The following MAPKAP1 variants were observed in gnomAD, a reference collection of about 807,000 sequenced individuals.
The protein encoded by MAPKAP1 is MAPK associated protein 1.
Under a neutral mutation model 65.7 loss-of-function variants are expected in MAPKAP1, and 20 were observed. The ratio of observed to expected loss-of-function variants is 0.30; its 90% CI spans 0.21 to 0.44. The LOEUF (loss-of-function observed/expected upper bound fraction) is 0.44, where lower values mean the gene tolerates loss of function less well. Ranked by LOEUF, MAPKAP1 falls within the 20% of genes least tolerant of loss-of-function variation. MAPKAP1 has a pLI of 1.00. For synonymous variants in MAPKAP1, 222 were observed against 244.3 expected, an observed-to-expected ratio of 0.91 and a Z score of 0.85; for missense variants, 423 against 648.0, an observed-to-expected ratio of 0.65 and a Z score of 3.77.
At chr9:125,559,573 A>G in intron 6 of MAPKAP1, 60 bp downstream of exon 6, 1 of 1,510,748 alleles carries the variant, frequency 6.6e-7, no homozygotes, top group Non-Finnish European at 9.0e-7. Flanking sequence ...CCAAAATCAG[A>G]TCCAAAATGC....
chr9:125,506,386 C>T lies in MAPKAP1; in HGVS notation c.990G>A (p.Glu330=). 5.0e-6 allele frequency: 8 copies of T among 1,614,120 alleles called. No homozygotes were observed. Among genetic ancestry groups the T allele is most frequent in the Non-Finnish European group, 6.8e-6 (8 of 1,180,036 alleles). The change falls in exon 8 of 12, where the codon GAG becomes GAA. Residue 330 remains glutamate (E), a synonymous_variant. Transcript: ENST00000265960. ...TGTCCAGGTCAACGGCGACATTGGG[C>T]TCGCTCTGCTTCTCCAGGCGGTACT... ...GPQYRLEKQS[E]PNVAVDLDST... is the part of the protein sequence containing the mutation.
intron 3 of MAPKAP1, among the ~76,000 whole-genome samples, chr9:125,665,129 C>T (rs888623207): frequency 2.6e-5 from 4 of 152,064 alleles, no homozygotes; most frequent in African/African-American, 9.7e-5. Flanking sequence ...TGACAAAACC[C>T]TGCCTCTACT....
chr9:125,657,908 T>C (rs1834076865), intron 3 of MAPKAP1, 109 bp from the exon 4 acceptor site: 4 of 1,063,872 alleles, frequency 3.8e-6, no homozygotes, highest in African/African-American at 1.6e-5. Context: ...TCCAGAGACA[T>C]GTTCAGGTCG....
chr9:125,477,354 C>T (rs1854147539), intron 9 of MAPKAP1, among the ~76,000 whole-genome samples: 1 of 152,162 alleles, frequency 6.6e-6, no homozygotes, highest in African/African-American at 2.4e-5. Context: ...CGTGAGACTG[C>T]ATCAGAAAAA....
At chr9:125,460,662 T>C (rs1473193657) in intron 10 of MAPKAP1, among the ~76,000 whole-genome samples, 4 of 152,162 alleles carry the variant, frequency 2.6e-5, no homozygotes, top group African/African-American at 9.7e-5. Context: ...AACACCTTTT[T>C]TATAGGAACT....
intron 8 of MAPKAP1, among the ~76,000 whole-genome samples, chr9:125,485,824 C>G (rs1854485226): frequency 6.6e-6 from 1 of 152,204 alleles, no homozygotes; most frequent in African/African-American, 2.4e-5. Context: ...CTCTAATTTG[C>G]TGTATGATCT....
In MAPKAP1 at chr9:125,439,093, G is replaced by C; in HGVS notation, c.1444-81C>G. 6.4e-7 allele frequency: 1 copy of C among 1,552,908 alleles called. No homozygotes were observed. The highest frequency in any genetic ancestry group is 8.7e-7 in the Non-Finnish European group (1 of 1,143,592). ...GGGCATCGGAGGGGGTGGCAGGGAA[G>C]GCCCTGACCTGGGCCGGGTGCCTCA... is the stretch of plus-strand genomic sequence containing the variant. On this transcript the variant is annotated intron_variant, in intron 11 of 11. Coordinates refer to ENST00000265960, the MANE Select transcript of MAPKAP1 (RefSeq NM_001006617.3). The surrounding 1 kb of genome is among the most constrained non-coding windows in gnomAD (Gnocchi z 4.0).
chr9:125,491,776 A>C (rs1208329415), intron 8 of MAPKAP1, among the ~76,000 whole-genome samples: 1 of 150,812 alleles, frequency 6.6e-6, no homozygotes, highest in East Asian at 1.9e-4. Context: ...ACCCTATCTC[A>C]AAAAAAACCA....
At chr9:125,671,570 T>C (rs1033071418) in intron 2 of MAPKAP1, among the ~76,000 whole-genome samples, 3 of 152,134 alleles carry the variant, frequency 2.0e-5, no homozygotes, top group Non-Finnish European at 4.4e-5. Context: ...ACAATATGTA[T>C]TCTAAATAAT....
chr9:125,569,196 C>T (rs752561757), intron 5 of MAPKAP1, among the ~76,000 whole-genome samples: 11 of 152,204 alleles, frequency 7.2e-5, no homozygotes, highest in Non-Finnish European at 1.0e-4. Context: ...GACCTTTTAA[C>T]CACGTTTAAT....
chr9:125,614,294 TAG>T (rs145696584), intron 4 of MAPKAP1, among the ~76,000 whole-genome samples: 2,519 of 152,294 alleles, frequency 0.017, 107 homozygotes, highest in East Asian at 0.12. Flanking sequence ...TATCAAATAC[TAG>T]GTTGGTTTAA....
intron 7 of MAPKAP1, among the ~76,000 whole-genome samples, chr9:125,518,370 A>G (rs563087907): frequency 2.7e-5 from 4 of 150,196 alleles, no homozygotes; most frequent in Admixed American, 2.6e-4. Flanking sequence ...CTGTAATCCC[A>G]TATTACATCT....
intron 5 of MAPKAP1, among the ~76,000 whole-genome samples, chr9:125,578,929 T>C (rs978724505): frequency 4.6e-5 from 7 of 152,332 alleles, no homozygotes; most frequent in Non-Finnish European, 8.8e-5. Flanking sequence ...CCAGAACCCA[T>C]GGAATATTGA....
At chr9:125,494,121 GA>G (rs1854844466) in intron 8 of MAPKAP1, among the ~76,000 whole-genome samples, 1 of 152,174 alleles carries the variant, frequency 6.6e-6, no homozygotes. Context: ...GAGTCACAGA[GA>G]AAACTCTTCC....
intron 5 of MAPKAP1, among the ~76,000 whole-genome samples, 183 bp from the exon 6 acceptor site, chr9:125,559,992 G>C (rs1167561026): frequency 6.6e-6 from 1 of 152,106 alleles, no homozygotes; most frequent in African/African-American, 2.4e-5. Context: ...GCAATGCAAA[G>C]GGGAGAAAAA....
chr9:125,562,741 A>C (rs1236372227), intron 5 of MAPKAP1, among the ~76,000 whole-genome samples: 1 of 152,238 alleles, frequency 6.6e-6, no homozygotes, highest in Non-Finnish European at 1.5e-5. Context: ...AGCTCACTGA[A>C]ACTTCACATC....
At chr9:125,579,556 G>A (rs138831501) in intron 5 of MAPKAP1, among the ~76,000 whole-genome samples, 1,531 of 152,318 alleles carry the variant, frequency 0.01, 16 homozygotes, top group Non-Finnish European at 0.017. Flanking sequence ...GCCTCCCAGA[G>A]TGCTGGGATT....
intron 4 of MAPKAP1, among the ~76,000 whole-genome samples, chr9:125,619,143 A>G (rs748935052): frequency 2.6e-5 from 4 of 152,142 alleles, no homozygotes; most frequent in Non-Finnish European, 5.9e-5. Context: ...AAAAACACAA[A>G]AACAAAAAAC....
chr9:125,566,125 A>G (rs1489063670), intron 5 of MAPKAP1, among the ~76,000 whole-genome samples: 1 of 152,236 alleles, frequency 6.6e-6, no homozygotes, highest in Non-Finnish European at 1.5e-5. Flanking sequence ...ATTTCAGTCC[A>G]GATCTTTAAA....
Sources: gnomAD v4.1 joint callset for allele counts (sites outside exome capture counted in the v4.1 genomes callset) on GRCh38, gnomAD v4.1.1 for gene constraint, Gnocchi (gnomAD v3.1) non-coding constraint, MANE v1.5 for transcripts, NCBI Gene and HGNC (gene_info 2026-07-23, HGNC 2026-07-21) for gene names.